MGMT: variants seen among roughly 807,000 people sequenced by gnomAD.
MGMT encodes O-6-methylguanine-DNA methyltransferase.
MGMT carries 14 observed loss-of-function variants against 15.9 expected under a neutral mutation model. The ratio of observed to expected loss-of-function variants is 0.88; its 90% CI spans 0.58 to 1.37. The LOEUF is 1.37. MGMT is among the 40% of genes most tolerant of loss of function. MGMT has a pLI of 0.00. For synonymous variants in MGMT, 130 were observed against 118.2 expected, an observed-to-expected ratio of 1.10 and a Z score of -0.65; for missense variants, 282 against 268.1, an observed-to-expected ratio of 1.05 and a Z score of -0.36.
rs1848981161 is a variant in MGMT, at chr10:129,769,809, C to CT, written c.*2813dup. Among the ~76,000 whole-genome samples, 2 of 152,136 alleles carry CT rather than the reference C, an allele frequency of 1.3e-5. No homozygotes were observed. Among genetic ancestry groups the CT allele is most frequent in the South Asian group, 4.1e-4 (2 of 4,824 alleles). ...AGTCTGTGAGGCCAGAGAAGAGAAGCTATGACCGTGCAAACATGCATGTTA... is the reference window on the plus strand; with the variant it reads ...AGTCTGTGAGGCCAGAGAAGAGAAGCTTATGACCGTGCAAACATGCATGTTA... On this transcript the variant is annotated 3_prime_UTR_variant, in exon 5 of 5. Coordinates refer to ENST00000651593, the MANE Select transcript of MGMT (RefSeq NM_002412.5).
chr10:129,497,198 TC>T (rs1360351103), intron 1 of MGMT, among the ~76,000 whole-genome samples: 1 of 152,102 alleles, frequency 6.6e-6, no homozygotes, highest in Admixed American at 6.5e-5. Flanking sequence ...CTCGTACCAC[TC>T]CCCCGTCTCT....
intron 3 of MGMT, among the ~76,000 whole-genome samples, chr10:129,732,485 C>G (rs139569859): frequency 0.022 from 3,303 of 152,000 alleles, 132 homozygotes; most frequent in African/African-American, 0.075. Context: ...GACATGAACT[C>G]ATCCTTTTTT....
intron 3 of MGMT, among the ~76,000 whole-genome samples, chr10:129,738,235 G>A (rs531741451): frequency 6.6e-6 from 1 of 152,210 alleles, no homozygotes; most frequent in African/African-American, 2.4e-5. Flanking sequence ...CTCCAAGCCA[G>A]GTGCGGGATA....
At chr10:129,632,008 A>AT (rs1847215146) in intron 2 of MGMT, among the ~76,000 whole-genome samples, 2 of 152,160 alleles carry the variant, frequency 1.3e-5, no homozygotes, top group Admixed American at 6.5e-5. Flanking sequence ...AAGTGCTGGG[A>AT]TTGCAGGCGT....
intron 3 of MGMT, among the ~76,000 whole-genome samples, chr10:129,745,152 C>T (rs1299745375): frequency 1.3e-5 from 2 of 152,136 alleles, no homozygotes; most frequent in Non-Finnish European, 1.5e-5. Flanking sequence ...ATACTGGTCC[C>T]TAGTGTCTTG....
chr10:129,545,155 G>A (rs1277072988), intron 2 of MGMT, among the ~76,000 whole-genome samples: 3 of 152,184 alleles, frequency 2.0e-5, no homozygotes, highest in Non-Finnish European at 4.4e-5. Context: ...CAAGTCCTGG[G>A]GAAGACTTCA....
intron 1 of MGMT, among the ~76,000 whole-genome samples, chr10:129,517,046 TGCGCATCC>T (rs1845746116): frequency 6.6e-6 from 1 of 152,228 alleles, no homozygotes; most frequent in South Asian, 2.1e-4. Context: ...GTCAGCTGTC[TGCGCATCC>T]GTCCCTCCCA....
Position 129,467,446 on chromosome 10 carries a change from G to A in MGMT, c.-13+150G>A, listed in dbSNP as rs1564826471. 2 of 1,372,170 alleles carry A rather than the reference G, an allele frequency of 1.5e-6. 1 individual carries two copies. 85.0% of individuals were successfully genotyped at this position (1,372,170 alleles called of 1,614,324 possible). On this transcript the variant is annotated intron_variant, in intron 1 of 4. Transcript: ENST00000651593. The stretch of plus-strand genomic sequence containing the variant: ...CCCATCCCGGGCGAGCTCCAGGTGC[G>A]CCCCAAGTGCCTCCCAGGTGTTGCC...
intron 2 of MGMT, among the ~76,000 whole-genome samples, chr10:129,657,674 AAC>A (rs60284981): frequency 0.051 from 4,717 of 93,232 alleles, 121 homozygotes; most frequent in Non-Finnish European, 0.075. Flanking sequence ...CAGCTCCTCC[AAC>A]ACACACACAC....
intron 2 of MGMT, among the ~76,000 whole-genome samples, chr10:129,570,459 C>T (rs748054110): frequency 3.3e-5 from 5 of 152,252 alleles, no homozygotes; most frequent in Admixed American, 6.5e-5. Flanking sequence ...AGGCACATCC[C>T]GGGTCATCCG....
intron 2 of MGMT, among the ~76,000 whole-genome samples, chr10:129,649,395 A>G (rs1318943279): frequency 6.6e-6 from 1 of 152,182 alleles, no homozygotes; most frequent in Admixed American, 6.5e-5. Context: ...ATGGTGCTGC[A>G]AGTTTTTAAA....
At chr10:129,717,615 G>A (rs1848314926) in intron 3 of MGMT, 1 of 152,070 alleles carries the variant, frequency 6.6e-6, no homozygotes, top group Non-Finnish European at 1.5e-5. Flanking sequence ...TTTTTAGAGT[G>A]CTTCCCTGCA....
intron 2 of MGMT, among the ~76,000 whole-genome samples, chr10:129,696,658 G>A (rs554802534): frequency 6.6e-6 from 1 of 152,382 alleles, no homozygotes; most frequent in East Asian, 1.9e-4. Context: ...GCACCCTTGT[G>A]TCTTGTCTAC....
intron 2 of MGMT, among the ~76,000 whole-genome samples, chr10:129,656,234 G>C (rs1050914216): frequency 6.6e-5 from 10 of 152,194 alleles, no homozygotes; most frequent in Non-Finnish European, 1.5e-4. Context: ...CTGCAGTCGG[G>C]AGGTGACAAA....
At chr10:129,708,996 G>C (rs558853884) in intron 3 of MGMT, among the ~76,000 whole-genome samples, 1 of 152,346 alleles carries the variant, frequency 6.6e-6, no homozygotes, top group Admixed American at 6.5e-5. Flanking sequence ...TAATACCTGA[G>C]TTCACTAACC....
At chr10:129,655,193 CCCG>C in intron 2 of MGMT, among the ~76,000 whole-genome samples, 1 of 152,264 alleles carries the variant, frequency 6.6e-6, no homozygotes, top group Middle Eastern at 3.4e-3. Flanking sequence ...CCGTGGGGGC[CCCG>C]CGGAGGGCCT....
chr10:129,694,524 G>C (rs1312162064), intron 2 of MGMT, among the ~76,000 whole-genome samples: 1 of 152,204 alleles, frequency 6.6e-6, no homozygotes, highest in Non-Finnish European at 1.5e-5. Context: ...TCTTTGAGTA[G>C]AAATTGGTGC....
chr10:129,746,302 A>G (rs939267769), intron 3 of MGMT, among the ~76,000 whole-genome samples: 2 of 151,682 alleles, frequency 1.3e-5, no homozygotes, highest in African/African-American at 2.4e-5. Context: ...CTTTTTCACA[A>G]ACAAGTTTTT....
chr10:129,571,426 G>C (rs372065914), intron 2 of MGMT, among the ~76,000 whole-genome samples: 33 of 152,240 alleles, frequency 2.2e-4, no homozygotes, highest in African/African-American at 7.5e-4. Flanking sequence ...ACAGAGCTTG[G>C]GTGTTTTATG....
Sources: allele counts gnomAD v4.1 joint callset (sites outside exome capture counted in the v4.1 genomes callset), GRCh38; gene constraint gnomAD v4.1.1; transcripts MANE v1.5; gene names NCBI Gene and HGNC (gene_info 2026-07-23, HGNC 2026-07-21).